Variants in COPG2 observed in about 807,000 individuals in gnomAD.
The protein encoded by COPG2 is coat protein complex I subunit gamma 2.
Under a neutral mutation model 46.3 loss-of-function variants are expected in COPG2, and 37 were observed. The ratio of observed to expected loss-of-function variants is 0.80; its 90% CI spans 0.61 to 1.05. The LOEUF (loss-of-function observed/expected upper bound fraction) is 1.05, where lower values mean the gene tolerates loss of function less well. Ranked by LOEUF, COPG2 falls within the 50% of genes least tolerant of loss-of-function variation. The pLI is 0.00. For synonymous variants in COPG2, 159 were observed against 129.7 expected (o/e 1.23, Z -1.53); for missense variants, 427 against 387.8 (o/e 1.10, Z -0.85).
At chr7:130,583,687 C>T (rs1394918088) in intron 9 of COPG2, among the ~76,000 whole-genome samples, 1 of 149,892 alleles carries the variant, frequency 6.7e-6, no homozygotes, top group Non-Finnish European at 1.5e-5. Context: ...TGCCTGTAGT[C>T]CCAGCTACTT....
intron 5 of COPG2, among the ~76,000 whole-genome samples, chr7:130,651,549 C>G (rs1795746318): frequency 7.5e-6 from 1 of 133,104 alleles, no homozygotes; most frequent in African/African-American, 2.9e-5. Flanking sequence ...TCGCTCTGTC[C>G]CCCAGGTCGG....
At chr7:130,542,046 A>G (rs1396386955) in intron 20 of COPG2, among the ~76,000 whole-genome samples, 4 of 125,480 alleles carry the variant, frequency 3.2e-5, no homozygotes, top group Admixed American at 2.2e-4. Context: ...GTGTTCCCCA[A>G]TGGGCAAGAA....
At chr7:130,651,510 T>A (rs1183721081) in intron 5 of COPG2, among the ~76,000 whole-genome samples, 4 of 123,216 alleles carry the variant, frequency 3.2e-5, no homozygotes, top group Non-Finnish European at 6.9e-5. Flanking sequence ...TTTTTTTTTT[T>A]TTTTTTTTTT....
rs1451538826 is a variant in COPG2 at position 130,554,704 on chromosome 7, C to T, written c.1245G>A (p.Arg415=). The part of the protein sequence containing the change: ...LRDDGGFEYK[R]AIVDCIISIV... The stretch of plus-strand genomic sequence containing the variant: ...TGCTGATTATACAGTCCACAATGGC[C>T]CGCTTGTACTCAAAGCCTCCCTGGC... The change falls in exon 14 of 24, where the codon CGG becomes CGA. Residue 415 remains arginine, a synonymous_variant. Transcript: ENST00000425248. 4 of 398,430 alleles carry T rather than the reference C, an allele frequency of 1.0e-5. No individual in the cohort carries two copies. The highest frequency in any genetic ancestry group is 1.8e-5 in the Non-Finnish European group (4 of 226,062). The allele number at this position is 398,430 out of a possible 1,614,324, so 24.7% of individuals were successfully genotyped here. A position where few individuals can be genotyped will look rare whatever the true frequency, so the allele number is the denominator to read the frequency against.
Position 130,513,325 on chromosome 7 carries a change from A to ATATATATGTGTGTGTGTGTGTG in COPG2, c.2150-4667_2150-4666insCACACACACACACACATATATA, listed in dbSNP as rs1799636046. Reference sequence around the variant, plus strand: ...AAAAAAAAAATATATATATATATATATATATATATATATATATGTGTGTGT... The same window carrying ATATATATGTGTGTGTGTGTGTG: ...AAAAAAAAAATATATATATATATATATATATATGTGTGTGTGTGTGTGTATATATATATATATATGTGTGTGT... On this transcript the variant is annotated intron_variant, in intron 20 of 23. Transcript: ENST00000425248. Among the ~76,000 whole-genome samples, 3 of 50,604 alleles carry ATATATATGTGTGTGTGTGTGTG rather than the reference A, an allele frequency of 5.9e-5. 1 individual carries two copies. Among genetic ancestry groups the ATATATATGTGTGTGTGTGTGTG allele is most frequent in the African/African-American group, 2.0e-4 (3 of 15,082 alleles). 33.2% of individuals were successfully genotyped at this position (50,604 alleles called of 152,430 possible). A position where few individuals can be genotyped will look rare whatever the true frequency, so the allele number is the denominator to read the frequency against.
intron 9 of COPG2, among the ~76,000 whole-genome samples, chr7:130,599,416 C>T (rs542972411): frequency 8.5e-5 from 13 of 152,190 alleles, no homozygotes; most frequent in Non-Finnish European, 1.6e-4. Flanking sequence ...CATGACAGTT[C>T]CAAGAACACC....
At chr7:130,552,485 A>G in intron 14 of COPG2, 55 bp from the exon 15 acceptor site, 1 of 398,062 alleles carries the variant, frequency 2.5e-6, no homozygotes, top group Non-Finnish European at 4.4e-6. Context: ...AGAGTTAACC[A>G]ATAACCATTT....
intron 5 of COPG2, among the ~76,000 whole-genome samples, chr7:130,625,757 T>C (rs1385122238): frequency 1.3e-5 from 2 of 152,110 alleles, no homozygotes; most frequent in African/African-American, 4.8e-5. Flanking sequence ...TAATTAGATA[T>C]GTTTTTCTAT....
chr7:130,666,159 T>C (rs562228945), intron 3 of COPG2, among the ~76,000 whole-genome samples: 33 of 152,360 alleles, frequency 2.2e-4, no homozygotes, highest in African/African-American at 6.5e-4. Context: ...GTTAAGCTAC[T>C]GCCCAGAATT....
At chr7:130,597,995 C>A (rs1554449897) in intron 9 of COPG2, among the ~76,000 whole-genome samples, 1 of 152,154 alleles carries the variant, frequency 6.6e-6, no homozygotes, top group Non-Finnish European at 1.5e-5. Flanking sequence ...AACAATGGGA[C>A]AGACAGCAGG....
chr7:130,634,525 T>C (rs955196962), intron 5 of COPG2, among the ~76,000 whole-genome samples: 1 of 152,182 alleles, frequency 6.6e-6, no homozygotes, highest in African/African-American at 2.4e-5. Flanking sequence ...TTGTCTATTA[T>C]TGATATATAG....
At chr7:130,531,652 T>A (rs1799826611) in intron 20 of COPG2, among the ~76,000 whole-genome samples, 1 of 152,008 alleles carries the variant, frequency 6.6e-6, no homozygotes, top group South Asian at 2.1e-4. Flanking sequence ...ATGCGGTAGT[T>A]CCACGTGGAG....
At chr7:130,609,839 T>C (rs1160153532) in intron 9 of COPG2, among the ~76,000 whole-genome samples, 1 of 152,116 alleles carries the variant, frequency 6.6e-6, no homozygotes, top group Non-Finnish European at 1.5e-5. Context: ...TGGTTCAAGA[T>C]TTTTTTTCTA....
intron 20 of COPG2, among the ~76,000 whole-genome samples, chr7:130,523,947 G>A (rs943257793): frequency 3.3e-5 from 5 of 151,770 alleles, no homozygotes; most frequent in East Asian, 1.9e-4. Context: ...GACTGGGTGC[G>A]TTTGTGCTGG....
At chr7:130,582,436 G>C (rs1794170681) in intron 9 of COPG2, among the ~76,000 whole-genome samples, 1 of 151,374 alleles carries the variant, frequency 6.6e-6, no homozygotes, top group Non-Finnish European at 1.5e-5. Flanking sequence ...CATAGGCATG[G>C]GCAAGGATTT....
Position 130,616,996 on chromosome 7 carries a change from G to C in COPG2, c.393C>G (p.Ile131Met). 6.2e-7 allele frequency: 1 copy of C among 1,605,476 alleles called. No homozygotes were observed. The highest frequency in any genetic ancestry group is 8.5e-7 in the Non-Finnish European group (1 of 1,173,536). The change falls in exon 6 of 24, where the codon ATC becomes ATG. Residue 131 changes from isoleucine to methionine, a missense_variant. Transcript: ENST00000425248. Reference protein sequence around the residue: ...RGPAIRALCRITDGTMLQAIE... With the variant: ...RGPAIRALCRMTDGTMLQAIE... ...AGTGAAACAGATAACTTACATCGGT[G>C]ATCCTGCAGAGAGCTCTGATGGCCG...
intron 20 of COPG2, among the ~76,000 whole-genome samples, chr7:130,514,595 A>C (rs1799662809): frequency 6.6e-6 from 1 of 152,222 alleles, no homozygotes; most frequent in Admixed American, 6.5e-5. Context: ...AGCTAAAAGA[A>C]GGGAGGCTGA....
chr7:130,653,072 A>G (rs918627194), intron 4 of COPG2, 124 bp from the exon 5 acceptor site: 20 of 606,390 alleles, frequency 3.3e-5, no homozygotes, highest in Non-Finnish European at 5.5e-5. Context: ...AGTCTCATCT[A>G]CCAAAAAAAA....
intron 3 of COPG2, among the ~76,000 whole-genome samples, chr7:130,665,757 G>A (rs1796065311): frequency 6.6e-6 from 1 of 151,126 alleles, no homozygotes; most frequent in Admixed American, 6.6e-5. Context: ...CACTGATACT[G>A]AGGGAATATG....
Sources: allele counts gnomAD v4.1 joint callset (sites outside exome capture counted in the v4.1 genomes callset), GRCh38; gene constraint gnomAD v4.1.1; transcripts MANE v1.5; gene names NCBI Gene and HGNC (gene_info 2026-07-23, HGNC 2026-07-21).